Variants in PDLIM5 observed in about 807,000 individuals in gnomAD.
PDLIM5 encodes PDZ and LIM domain protein 5.
In PDLIM5, 34 loss-of-function variants were observed where a neutral mutation model predicts 64.2. The ratio of observed to expected loss-of-function variants is 0.53; its 90% CI spans 0.40 to 0.71. The LOEUF is 0.71. Among genes scored for constraint, PDLIM5 ranks in the 30% least tolerant of loss-of-function variants. The pLI is 0.00. For synonymous variants in PDLIM5, 253 were observed against 269.1 expected (o/e 0.94, Z 0.59); for missense variants, 683 against 733.6 (o/e 0.93, Z 0.80).
chr4:94,593,280 T>G (rs1037189153), intron 7 of PDLIM5, among the ~76,000 whole-genome samples: 2 of 152,188 alleles, frequency 1.3e-5, no homozygotes, highest in African/African-American at 4.8e-5. Context: ...ATTATAAAAT[T>G]CATCTCTGGT....
At chr4:94,622,217 C>A (rs1739292719) in intron 8 of PDLIM5, among the ~76,000 whole-genome samples, 2 of 151,462 alleles carry the variant, frequency 1.3e-5, no homozygotes, top group South Asian at 4.1e-4. Flanking sequence ...CTTCCTGATG[C>A]AAATGAAAAA....
At chr4:94,570,103 GTATTATAATTAGATA>G (rs1447329247) in intron 3 of PDLIM5, among the ~76,000 whole-genome samples, 1 of 151,832 alleles carries the variant, frequency 6.6e-6, no homozygotes, top group Non-Finnish European at 1.5e-5. Flanking sequence ...TCTTAAAGAA[GTATTATAATTAGATA>G]TATTATAATT....
intron 2 of PDLIM5, among the ~76,000 whole-genome samples, chr4:94,508,122 A>G (rs546212675): frequency 1.1e-4 from 15 of 130,772 alleles, no homozygotes; most frequent in Non-Finnish European, 1.9e-4. Flanking sequence ...AGAAAAAAAG[A>G]GGCACTGACA....
At chr4:94,548,095 T>C (rs1017080272) in intron 3 of PDLIM5, among the ~76,000 whole-genome samples, 20 of 152,202 alleles carry the variant, frequency 1.3e-4, no homozygotes, top group African/African-American at 3.6e-4. Flanking sequence ...CTTTTAATTT[T>C]ACCCTGATTT....
intron 9 of PDLIM5, among the ~76,000 whole-genome samples, chr4:94,645,639 C>T (rs1741355124): frequency 6.6e-6 from 1 of 152,140 alleles, no homozygotes; most frequent in South Asian, 2.1e-4. Context: ...GTAAGCAATA[C>T]ATATAGCCAG....
intron 2 of PDLIM5, chr4:94,456,473 C>T (rs774967344): frequency 5.7e-6 from 4 of 701,626 alleles, no homozygotes; most frequent in African/African-American, 5.2e-5. Flanking sequence ...GCTAAGATTA[C>T]AGGCGTGAGC....
chr4:94,662,478 G>T lies in PDLIM5; in HGVS notation c.1642G>T (p.Gly548Cys), dbSNP rs1014195222. 2.5e-6 allele frequency: 4 copies of T among 1,608,118 alleles called. No homozygotes were observed. Among genetic ancestry groups the T allele is most frequent in the Non-Finnish European group, 3.4e-6 (4 of 1,174,728 alleles). Residue 548 changes from glycine (G) to cysteine (C), a missense_variant, in exon 12 of 13, where the codon GGT (glycine) becomes TGT (cysteine). Physicochemically the swap from Gly to Cys is radical, Grantham distance 159. Transcript: ENST00000317968. ...TGGATGTGAATTTCCCATAGAAGCT[G>T]GTGACATGTTCCTGGAAGCTCTGGG... ...CHGCEFPIEA[G>C]DMFLEALGYT...
intron 2 of PDLIM5, among the ~76,000 whole-genome samples, chr4:94,519,022 G>A (rs1220001115): frequency 6.6e-6 from 1 of 152,188 alleles, no homozygotes; most frequent in Non-Finnish European, 1.5e-5. Context: ...GTGACAAGAG[G>A]CCACCATTCT....
At position 94,584,003 on chromosome 4, in the gene PDLIM5, C is replaced by T. The variant is rs560922738; in HGVS notation, c.711-1562C>T. Among the ~76,000 whole-genome samples the T allele has an allele frequency of 6.6e-4, 101 of 152,322 alleles. No homozygotes were observed. In the Middle Eastern group the frequency reaches 0.014, roughly 21 times the overall value. The stretch of plus-strand genomic sequence containing the variant: ...GAATCTGATTTTAAAGCCAGTGTTA[C>T]TAACTGTAATTCTATCCTGTTCTTC... On this transcript the variant is annotated intron_variant, in intron 5 of 12. Coordinates refer to ENST00000317968, the MANE Select transcript of PDLIM5 (RefSeq NM_006457.5).
intron 2 of PDLIM5, among the ~76,000 whole-genome samples, chr4:94,508,121 G>C (rs774136617): frequency 1.5e-5 from 2 of 130,312 alleles, no homozygotes; most frequent in South Asian, 4.3e-4. Flanking sequence ...AAGAAAAAAA[G>C]AGGCACTGAC....
chr4:94,661,330 C>T (rs2110506645), intron 11 of PDLIM5, among the ~76,000 whole-genome samples: 1 of 151,970 alleles, frequency 6.6e-6, no homozygotes, highest in South Asian at 2.1e-4. Flanking sequence ...GAGGTGGAGG[C>T]TGCGGTGAAC....
rs752588919 is a variant in PDLIM5 at position 94,575,713 on chromosome 4, G to C, written c.389G>C (p.Arg130Pro). 11 of 1,613,826 alleles carry C rather than the reference G, an allele frequency of 6.8e-6. No homozygotes were observed. The highest frequency in any genetic ancestry group is 9.3e-6 in the Non-Finnish European group (11 of 1,179,858). Residue 130 changes from arginine to proline, a missense_variant, in exon 5 of 13, where the codon CGG becomes CCG. Transcript: ENST00000317968. Reference protein sequence around the residue: ...TNNMAYNKAPRPFGSVSSPKV... With the variant: ...TNNMAYNKAPPPFGSVSSPKV... ...AACATGGCCTACAATAAGGCACCACGGCCTTTTGGTTCTGTGTCTTCACCA... is the reference window on the plus strand; with the variant it reads ...AACATGGCCTACAATAAGGCACCACCGCCTTTTGGTTCTGTGTCTTCACCA...
chr4:94,548,983 A>AG (rs1732561418), intron 3 of PDLIM5, among the ~76,000 whole-genome samples: 1 of 151,986 alleles, frequency 6.6e-6, no homozygotes. Flanking sequence ...CTAAGTTAAA[A>AG]GAAAAAAAAA....
At chr4:94,545,437 G>A (rs2110196060) in intron 3 of PDLIM5, among the ~76,000 whole-genome samples, 1 of 151,992 alleles carries the variant, frequency 6.6e-6, no homozygotes, top group South Asian at 2.1e-4. Flanking sequence ...TGTTTTTCCG[G>A]GGGAAAAAAG....
chr4:94,481,847 T>G (rs555772861), intron 2 of PDLIM5, among the ~76,000 whole-genome samples: 119 of 152,116 alleles, frequency 7.8e-4, no homozygotes, highest in East Asian at 2.3e-3. Context: ...CTGACCTCGT[T>G]ATCCACCCAC....
At chr4:94,543,563 A>T (rs780586926) in intron 3 of PDLIM5, among the ~76,000 whole-genome samples, 1 of 152,060 alleles carries the variant, frequency 6.6e-6, no homozygotes, top group Admixed American at 6.6e-5. Context: ...CTGAAATTTC[A>T]TATCCTTTGA....
chr4:94,503,870 G>T lies in PDLIM5; in HGVS notation c.97-19854G>T, dbSNP rs145540988. On this transcript the variant is annotated intron_variant, in intron 2 of 12. Transcript: ENST00000317968. The stretch of plus-strand genomic sequence containing the variant: ...TTTGGCTAGCATCAAGTTACTTAAC[G>T]TGAGCTTACATTTATTATATGCAGA... Among the ~76,000 whole-genome samples, 5 of 152,272 alleles carry T rather than the reference G, an allele frequency of 3.3e-5. No homozygotes were observed. The East Asian group carries it at 9.6e-4, about 29-fold the overall frequency.
At chr4:94,586,960 T>C (rs77681291) in intron 7 of PDLIM5, 2 of 929,066 alleles carry the variant, frequency 2.2e-6, no homozygotes, top group South Asian at 2.5e-5. Flanking sequence ...TATCACTCTT[T>C]TTTTTTTTTT....
At chr4:94,528,154 C>T (rs1208443388) in intron 3 of PDLIM5, among the ~76,000 whole-genome samples, 1 of 152,166 alleles carries the variant, frequency 6.6e-6, no homozygotes, top group Non-Finnish European at 1.5e-5. Context: ...TGCCTTTATG[C>T]CCTCTCATGA....
Sources: gnomAD v4.1 joint callset for allele counts (sites outside exome capture counted in the v4.1 genomes callset) on GRCh38, gnomAD v4.1.1 for gene constraint, MANE v1.5 for transcripts, NCBI Gene and HGNC (gene_info 2026-07-23, HGNC 2026-07-21) for gene names.